NFIL3: variants seen among roughly 807,000 people sequenced by gnomAD.
NFIL3 encodes nuclear factor interleukin-3-regulated protein.
In NFIL3, 5 loss-of-function variants were observed where a neutral mutation model predicts 10.0. The ratio of observed to expected loss-of-function variants is 0.50; its 90% CI spans 0.26 to 1.06. The LOEUF (loss-of-function observed/expected upper bound fraction) is 1.06, where lower values mean the gene tolerates loss of function less well. Ranked by LOEUF, NFIL3 falls within the 50% of genes least tolerant of loss-of-function variation. NFIL3 has a pLI of 0.13. For synonymous variants in NFIL3, 202 were observed against 206.5 expected (o/e 0.98, Z 0.19); for missense variants, 436 against 547.6 (o/e 0.80, Z 2.03).
chr9:91,470,572 T>C, the NFIL3 span, among the ~76,000 whole-genome samples: 2,343 of 152,172 alleles, frequency 0.015, 37 homozygotes, highest in Non-Finnish European at 0.019. Context: ...GCTTTTGAAT[T>C]TGTTTGCCCT....
At chr9:91,419,464 C>A (rs1250535339) in intron 1 of NFIL3, among the ~76,000 whole-genome samples, 1 of 152,210 alleles carries the variant, frequency 6.6e-6, no homozygotes, top group Non-Finnish European at 1.5e-5. Context: ...CAGGCTGTTG[C>A]ATCACAGTGA....
At chr9:91,467,182 T>C in the NFIL3 span, among the ~76,000 whole-genome samples, 3 of 151,734 alleles carry the variant, frequency 2.0e-5, no homozygotes, top group African/African-American at 7.3e-5. Flanking sequence ...TATATTATAT[T>C]ATATCATATT....
the NFIL3 span, among the ~76,000 whole-genome samples, chr9:91,469,252 T>C: frequency 3.3e-5 from 5 of 152,194 alleles, no homozygotes; most frequent in Non-Finnish European, 5.9e-5. Context: ...TCATGTCCCT[T>C]GTAAGTTGGA....
the NFIL3 span, among the ~76,000 whole-genome samples, chr9:91,458,078 A>G: frequency 6.6e-6 from 1 of 151,982 alleles, no homozygotes; most frequent in Admixed American, 6.6e-5. Context: ...GAATTTTTAC[A>G]TATATTTTTA....
chr9:91,464,334 C>T, the NFIL3 span, among the ~76,000 whole-genome samples: 3 of 151,882 alleles, frequency 2.0e-5, no homozygotes, highest in African/African-American at 7.3e-5. Context: ...TAGTGGTTGT[C>T]CTAGAGTTAA....
the NFIL3 span, among the ~76,000 whole-genome samples, chr9:91,480,420 A>G: frequency 1.1e-4 from 17 of 152,322 alleles, no homozygotes; most frequent in Non-Finnish European, 1.9e-4. Context: ...TTCTACTAGT[A>G]GCATTCAAGT....
chr9:91,410,284 C>A lies in NFIL3; in HGVS notation c.451G>T (p.Asp151Tyr). The A allele has an allele frequency of 6.2e-7, 1 of 1,614,196 alleles. No homozygotes were observed. The highest frequency in any genetic ancestry group is 8.5e-7 in the Non-Finnish European group (1 of 1,180,042). The change falls in exon 2 of 2, where the codon GAT (aspartate) becomes TAT (tyrosine). Residue 151 changes from aspartate (D) to tyrosine (Y), a missense_variant. Asp to Tyr is a radical substitution (Grantham distance 160, BLOSUM62 -3). This residue lies in a region of NFIL3 where 338 missense variants were observed against 399.9 expected (regional missense o/e 0.85). Coordinates refer to ENST00000297689, the MANE Select transcript of NFIL3 (RefSeq NM_005384.3). This position sits in a 1 kb window ranked among gnomAD's most constrained non-coding sequence, Gnocchi z 5.7. ...LSNSTAVYFQ[D>Y]YQTSKSNVSS... ...ACATTGGATTTGGAAGTCTGGTAATCTTGAAAGTACACAGCTGTAGAATTA... is the reference window on the plus strand; with the variant it reads ...ACATTGGATTTGGAAGTCTGGTAATATTGAAAGTACACAGCTGTAGAATTA...
At chr9:91,417,457 A>G (rs1205551089) in intron 1 of NFIL3, among the ~76,000 whole-genome samples, 3 of 152,236 alleles carry the variant, frequency 2.0e-5, no homozygotes, top group Admixed American at 6.5e-5. Context: ...TACTAGCAAT[A>G]TGTTAACCCT....
chr9:91,452,513 G>A, the NFIL3 span, among the ~76,000 whole-genome samples: 2 of 152,090 alleles, frequency 1.3e-5, no homozygotes, highest in African/African-American at 4.8e-5. Flanking sequence ...GGTGGCTCAC[G>A]CCTGTAATCC....
Position 91,423,739 on chromosome 9 carries a change from C to CGGCGGGA in NFIL3, c.-279_-273dup, listed in dbSNP as rs1347380631. 1.4e-5 allele frequency: 2 copies of CGGCGGGA among 140,634 alleles called. No homozygotes were observed. The highest frequency in any genetic ancestry group is 3.1e-5 in the Non-Finnish European group (2 of 64,474). The allele number at this position is 140,634 out of a possible 1,614,324, so 8.7% of individuals were successfully genotyped here. A position where few individuals can be genotyped will look rare whatever the true frequency, so the allele number is the denominator to read the frequency against. ...GGGCCGGGCCGGGCCTCCGGGGCCG[C>CGGCGGGA]GGCGGGAGGCGGGCGGCGGCGAGGG... On this transcript the variant is annotated 5_prime_UTR_variant, in exon 1 of 2. Coordinates refer to ENST00000297689, the MANE Select transcript of NFIL3 (RefSeq NM_005384.3).
the NFIL3 span, among the ~76,000 whole-genome samples, chr9:91,443,665 C>A: frequency 4.6e-5 from 7 of 152,352 alleles, no homozygotes; most frequent in African/African-American, 1.7e-4. Flanking sequence ...CACTTCCAAG[C>A]CTGCAGGGAC....
At chr9:91,436,167 A>G in the NFIL3 span, among the ~76,000 whole-genome samples, 1 of 152,218 alleles carries the variant, frequency 6.6e-6, no homozygotes, top group Admixed American at 6.5e-5. Context: ...CACTCCTCCA[A>G]TGCTGCTACC....
At chr9:91,476,241 T>C in the NFIL3 span, among the ~76,000 whole-genome samples, 5 of 152,198 alleles carry the variant, frequency 3.3e-5, no homozygotes, top group East Asian at 1.9e-4. Flanking sequence ...AAACATCCTA[T>C]GTAAAATGAT....
chr9:91,468,954 G>C, the NFIL3 span, among the ~76,000 whole-genome samples: 2 of 151,840 alleles, frequency 1.3e-5, no homozygotes, highest in Non-Finnish European at 2.9e-5. Context: ...TGTGTAGTTT[G>C]AAGTCAGCCA....
chr9:91,456,608 A>G, the NFIL3 span, among the ~76,000 whole-genome samples: 1 of 152,092 alleles, frequency 6.6e-6, no homozygotes, highest in African/African-American at 2.4e-5. Context: ...TGACTTTATC[A>G]GATTGACGGT....
the NFIL3 span, among the ~76,000 whole-genome samples, chr9:91,452,596 G>A: frequency 2.0e-5 from 3 of 151,998 alleles, no homozygotes; most frequent in African/African-American, 7.2e-5. Flanking sequence ...CTAACATGGT[G>A]AAACCCCGTT....
chr9:91,451,599 G>C, the NFIL3 span, among the ~76,000 whole-genome samples: 2 of 152,156 alleles, frequency 1.3e-5, no homozygotes, highest in African/African-American at 4.8e-5. Flanking sequence ...CCATTCCTCA[G>C]GATTGTATTT....
At chr9:91,478,181 T>G in the NFIL3 span, among the ~76,000 whole-genome samples, 1 of 152,284 alleles carries the variant, frequency 6.6e-6, no homozygotes, top group African/African-American at 2.4e-5. Context: ...ATTTCCTGAA[T>G]CTGAATGTTG....
upstream of NFIL3, among the ~76,000 whole-genome samples, chr9:91,427,850 T>C (rs1401844184): frequency 6.6e-6 from 1 of 152,096 alleles, no homozygotes; most frequent in Non-Finnish European, 1.5e-5. Context: ...CTCTCTATGT[T>C]GCCCAGGCTG....
Sources: gnomAD v4.1 joint callset for allele counts (sites outside exome capture counted in the v4.1 genomes callset) on GRCh38, gnomAD v4.1.1 for gene constraint, gnomAD v4.1.1 regional missense constraint, Gnocchi (gnomAD v3.1) non-coding constraint, MANE v1.5 for transcripts, NCBI Gene and HGNC (gene_info 2026-07-23, HGNC 2026-07-21) for gene names.